The following CCDC62 variants were observed in gnomAD, a reference collection of about 807,000 sequenced individuals.
CCDC62 encodes coiled-coil domain-containing protein 62.
In CCDC62, 72 loss-of-function variants were observed where a neutral mutation model predicts 80.8. The ratio of observed to expected loss-of-function variants is 0.89; its 90% CI spans 0.74 to 1.08. The LOEUF (loss-of-function observed/expected upper bound fraction) is 1.08. Among genes scored for constraint, CCDC62 ranks in the 50% least tolerant of loss-of-function variants. The probability of loss-of-function intolerance (pLI) is 0.00; values close to 1 mark genes in which losing one functional copy is unlikely to be tolerated. For missense variants in CCDC62, 704 were observed against 809.4 expected, an observed-to-expected ratio of 0.87 and a Z score of 1.58; for synonymous variants, 286 against 296.5, an observed-to-expected ratio of 0.96 and a Z score of 0.36.
intron 11 of CCDC62, among the ~76,000 whole-genome samples, chr12:122,816,149 A>C (rs2032155256): frequency 6.6e-6 from 1 of 152,214 alleles, no homozygotes; most frequent in African/African-American, 2.4e-5. Context: ...GAAATTTTTC[A>C]AAGTATACCA....
intron 3 of CCDC62, among the ~76,000 whole-genome samples, chr12:122,781,704 GAA>G (rs1303715229): frequency 1.3e-5 from 2 of 151,582 alleles, no homozygotes; most frequent in Non-Finnish European, 2.9e-5. Flanking sequence ...AAAGAAAAAA[GAA>G]AAATTAGATT....
At chr12:122,811,199 A>C (rs1469747883) in intron 10 of CCDC62, among the ~76,000 whole-genome samples, 1 of 143,082 alleles carries the variant, frequency 7.0e-6, no homozygotes, top group Non-Finnish European at 1.5e-5. Flanking sequence ...AATAAAAAGA[A>C]ATTAAGTTTC....
At chr12:122,785,643 C>A in intron 3 of CCDC62, 76 bp from the exon 4 acceptor site, 1 of 965,522 alleles carries the variant, frequency 1.0e-6, no homozygotes, top group Non-Finnish European at 1.7e-6. Flanking sequence ...GAGAAGTAAG[C>A]GCAGATTGTG....
intron 3 of CCDC62, among the ~76,000 whole-genome samples, chr12:122,785,141 C>G (rs1227981479): frequency 6.6e-6 from 1 of 152,068 alleles, no homozygotes; most frequent in African/African-American, 2.4e-5. Flanking sequence ...GACTCAGTCT[C>G]AAAAAATAAA....
chr12:122,825,993 C>CAAAAAA (rs61129769), intron 12 of CCDC62, among the ~76,000 whole-genome samples: 2 of 110,364 alleles, frequency 1.8e-5, no homozygotes, highest in Non-Finnish European at 3.6e-5. Flanking sequence ...AACTCCGTCT[C>CAAAAAA]AAAAAAAAAA....
At chr12:122,812,442 CA>C (rs34624972) in intron 10 of CCDC62, among the ~76,000 whole-genome samples, 111,393 of 129,758 alleles carry the variant, frequency 0.86, 47,972 homozygotes, top group East Asian at 0.98. Flanking sequence ...AACTCCGTCT[CA>C]AAAAAAAAAA....
chr12:122,801,988 C>A (rs1440071986), intron 9 of CCDC62, 136 bp downstream of exon 9: 1 of 894,302 alleles, frequency 1.1e-6, no homozygotes, highest in Non-Finnish European at 1.7e-6. Context: ...TTCCTTAGGA[C>A]CAATGGTTCC....
At chr12:122,789,063 C>A in intron 5 of CCDC62, 134 bp downstream of exon 5, 1 of 647,684 alleles carries the variant, frequency 1.5e-6, no homozygotes, top group Non-Finnish European at 2.5e-6. Flanking sequence ...ATATCCATTT[C>A]ATTTATATAG....
chr12:122,807,654 A>G (rs1290590804), intron 10 of CCDC62, among the ~76,000 whole-genome samples: 1 of 151,934 alleles, frequency 6.6e-6, no homozygotes, highest in Admixed American at 6.6e-5. Context: ...CTGGCCAGAC[A>G]TTTTCTTGTA....
At position 122,778,969 on chromosome 12, in the gene CCDC62, C is replaced by T. The variant is rs539846485; in HGVS notation, c.229+1286C>T. On this transcript the variant is annotated intron_variant, in intron 2 of 12. Coordinates refer to ENST00000253079, the MANE Select transcript of CCDC62 (RefSeq NM_201435.5). ...ATTTTACTCTGACCACACCCACACA[C>T]GTATATACACACAGTGTTTAAAATG... Among the ~76,000 whole-genome samples the T allele has an allele frequency of 8.5e-5, 13 of 152,264 alleles. No homozygotes were observed. In the South Asian group the frequency reaches 2.5e-3, roughly 29 times the overall value.
chr12:122,783,073 C>T (rs2029965434), intron 3 of CCDC62, among the ~76,000 whole-genome samples: 3 of 150,334 alleles, frequency 2.0e-5, no homozygotes, highest in Non-Finnish European at 4.4e-5. Context: ...CACCACTGCA[C>T]TCCAGCCTGG....
intron 10 of CCDC62, among the ~76,000 whole-genome samples, chr12:122,807,344 C>G (rs1298951644): frequency 1.3e-5 from 2 of 151,940 alleles, no homozygotes; most frequent in African/African-American, 4.8e-5. Context: ...CCAGCCTGAC[C>G]AACATGGTGA....
At chr12:122,783,374 C>T (rs1198469912) in intron 3 of CCDC62, among the ~76,000 whole-genome samples, 2 of 151,614 alleles carry the variant, frequency 1.3e-5, no homozygotes, top group African/African-American at 4.8e-5. Context: ...ACTACAGGCG[C>T]CCGCCACCAC....
At chr12:122,780,137 C>T (rs1393552128) in intron 2 of CCDC62, among the ~76,000 whole-genome samples, 1 of 149,184 alleles carries the variant, frequency 6.7e-6, no homozygotes, top group Non-Finnish European at 1.5e-5. Context: ...TGGTGAAACC[C>T]CATCTCTACT....
intron 10 of CCDC62, among the ~76,000 whole-genome samples, chr12:122,811,831 A>C (rs1311351036): frequency 1.4e-5 from 2 of 141,330 alleles, no homozygotes; most frequent in East Asian, 4.0e-4. Context: ...CAAAAAAAAA[A>C]AAAAAAAAAA....
chr12:122,813,017 G>A (rs1039761072), intron 10 of CCDC62, among the ~76,000 whole-genome samples: 15 of 123,556 alleles, frequency 1.2e-4, no homozygotes, highest in Admixed American at 7.9e-4. Context: ...GGGCAACATA[G>A]TGAGATCCCA....
In CCDC62 at chr12:122,774,572, G is replaced by T; in HGVS notation, c.-99G>T. On this transcript the variant is annotated 5_prime_UTR_variant, in exon 1 of 13. Coordinates refer to ENST00000253079, the MANE Select transcript of CCDC62 (RefSeq NM_201435.5). ...TCGGCCGAGGGCGCGGGGCCCCGGGGCTCCGGGCTCGCCCCCGCCGCTCGG... is the reference window on the plus strand; with the variant it reads ...TCGGCCGAGGGCGCGGGGCCCCGGGTCTCCGGGCTCGCCCCCGCCGCTCGG... 1.1e-6 allele frequency: 1 copy of T among 930,554 alleles called. No homozygotes were observed. Among genetic ancestry groups the T allele is most frequent in the Non-Finnish European group, 1.4e-6 (1 of 711,246 alleles). The allele number at this position is 930,554 out of a possible 1,614,324, so 57.6% of individuals were successfully genotyped here.
chr12:122,801,724 A>G lies in CCDC62; in HGVS notation c.1578A>G (p.Pro526=), dbSNP rs150075525. The change falls in exon 9 of 13, where the codon CCA becomes CCG. Residue 526 remains proline, a synonymous_variant. Transcript: ENST00000253079. The part of the protein sequence containing the change: ...CHPSNFIIEA[P]GHMSDVEWMS... ...CGAGTAACTTCATAATTGAAGCCCC[A>G]GGCCACATGTCTGACGTGGAGTGGA... is the stretch of plus-strand genomic sequence containing the variant. 776 of 1,614,210 alleles carry G rather than the reference A, an allele frequency of 4.8e-4. 1 individual carries two copies. The East Asian group carries it at 7.7e-3, about 16-fold the overall frequency.
At chr12:122,818,927 A>T (rs1392214589) in intron 11 of CCDC62, among the ~76,000 whole-genome samples, 1 of 152,158 alleles carries the variant, frequency 6.6e-6, no homozygotes, top group Non-Finnish European at 1.5e-5. Flanking sequence ...TGTCTCAAAA[A>T]ATATATTTTT....
Sources: gnomAD v4.1 joint callset for allele counts (sites outside exome capture counted in the v4.1 genomes callset) on GRCh38, gnomAD v4.1.1 for gene constraint, MANE v1.5 for transcripts, NCBI Gene and HGNC (gene_info 2026-07-23, HGNC 2026-07-21) for gene names.